Variants in MARCHF1 observed in about 807,000 individuals in gnomAD.
MARCHF1 encodes E3 ubiquitin-protein ligase MARCHF1.
A neutral mutation model predicts 54.2 loss-of-function variants in MARCHF1; 40 were observed. The ratio of observed to expected loss-of-function variants is 0.74; its 90% CI spans 0.57 to 0.96. The LOEUF (loss-of-function observed/expected upper bound fraction) is 0.96, where lower values mean the gene tolerates loss of function less well. MARCHF1 is among the 40% of genes least tolerant of loss of function. The pLI is 0.00. For missense variants in MARCHF1, 586 were observed against 656.5 expected (o/e 0.89, Z 1.17); for synonymous variants, 236 against 236.3 (o/e 1.00, Z 0.01).
chr4:164,028,369 CA>C (rs1560868882), intron 2 of MARCHF1, among the ~76,000 whole-genome samples: 1 of 152,178 alleles, frequency 6.6e-6, no homozygotes, highest in African/African-American at 2.4e-5. Context: ...AGTACATACA[CA>C]CCAAGAAATA....
chr4:164,048,896 G>GA lies in MARCHF1; in HGVS notation c.-247-60188dup, dbSNP rs542463903. Among the ~76,000 whole-genome samples the GA allele has an allele frequency of 4.4e-3, 671 of 151,992 alleles. 3 individuals carry two copies. Among genetic ancestry groups the GA allele is most frequent in the Non-Finnish European group, 7.6e-3 (516 of 67,938 alleles). On this transcript the variant is annotated intron_variant, in intron 2 of 9. Transcript: ENST00000514618. The stretch of plus-strand genomic sequence containing the variant: ...TCTAATCTGCCTTTACCTATAAAGG[G>GA]AAAAAAGCACCAAAAATCAGTTTTA...
intron 5 of MARCHF1, among the ~76,000 whole-genome samples, chr4:163,695,089 C>A (rs555705817): frequency 6.6e-6 from 1 of 152,222 alleles, no homozygotes; most frequent in Admixed American, 6.5e-5. Context: ...ATTGTGTTAG[C>A]AAACCAAAAT....
Position 164,112,472 on chromosome 4 carries a change from T to A in MARCHF1, c.-322-810A>T, listed in dbSNP as rs189387512. On this transcript the variant is annotated intron_variant, in intron 1 of 9. Coordinates refer to ENST00000514618, the MANE Select transcript of MARCHF1 (RefSeq NM_001394959.1). ...AAGAAAGTATCTTAACAAACTAAAG[T>A]AATAGGGGATATTATTGATCATTTT... 1.5e-4 allele frequency among the ~76,000 whole-genome samples: 17 copies of A among 116,588 alleles called. No individual in the cohort carries two copies. The East Asian group carries it at 2.4e-3, about 16-fold the overall frequency. 76.5% of individuals were successfully genotyped at this position (116,588 alleles called of 152,430 possible). A position where few individuals can be genotyped will look rare whatever the true frequency, so the allele number is the denominator to read the frequency against.
At chr4:163,732,595 G>A (rs185003950) in intron 4 of MARCHF1, among the ~76,000 whole-genome samples, 1 of 152,046 alleles carries the variant, frequency 6.6e-6, no homozygotes, top group African/African-American at 2.4e-5. Context: ...TAATAATAAA[G>A]AGAAAATGTT....
intron 3 of MARCHF1, among the ~76,000 whole-genome samples, chr4:163,962,929 C>T (rs537306902): frequency 6.6e-6 from 1 of 151,944 alleles, no homozygotes; most frequent in African/African-American, 2.4e-5. Flanking sequence ...CGTAAGTACT[C>T]TGAACAACAG....
intron 4 of MARCHF1, among the ~76,000 whole-genome samples, chr4:163,765,797 A>T (rs553686398): frequency 1.3e-5 from 2 of 148,722 alleles, no homozygotes; most frequent in South Asian, 4.2e-4. Flanking sequence ...CTAGCTCTTC[A>T]TCTTAAAGTG....
chr4:163,757,778 T>C (rs1036634337), intron 4 of MARCHF1, among the ~76,000 whole-genome samples: 3 of 152,206 alleles, frequency 2.0e-5, no homozygotes, highest in Admixed American at 2.0e-4. Context: ...TTTGACTAAA[T>C]GGCCTTTGAA....
At chr4:164,146,403 C>T (rs1729740484) in intron 1 of MARCHF1, among the ~76,000 whole-genome samples, 1 of 151,954 alleles carries the variant, frequency 6.6e-6, no homozygotes, top group African/African-American at 2.4e-5. Flanking sequence ...GGAGGCATCA[C>T]ACTACCTGAC....
intron 2 of MARCHF1, among the ~76,000 whole-genome samples, chr4:164,072,972 C>T (rs1484320106): frequency 6.6e-6 from 1 of 152,130 alleles, no homozygotes; most frequent in East Asian, 1.9e-4. Context: ...AGGAGAGAGC[C>T]TCACGGCAAC....
At chr4:164,351,345 C>A (rs1167781425) in intron 1 of MARCHF1, among the ~76,000 whole-genome samples, 1 of 151,226 alleles carries the variant, frequency 6.6e-6, no homozygotes, top group Non-Finnish European at 1.5e-5. Flanking sequence ...GTAACCTCTG[C>A]AGACTTAAAT....
intron 1 of MARCHF1, among the ~76,000 whole-genome samples, chr4:164,336,858 A>G (rs1248002811): frequency 6.6e-6 from 1 of 152,210 alleles, no homozygotes; most frequent in Non-Finnish European, 1.5e-5. Context: ...ATTTATACAC[A>G]CTGGCATTTT....
At chr4:164,167,209 GCAAA>G (rs10546364) in intron 1 of MARCHF1, among the ~76,000 whole-genome samples, 28,542 of 151,368 alleles carry the variant, frequency 0.19, 4,289 homozygotes, top group African/African-American at 0.41. Flanking sequence ...CCCTCAAAAA[GCAAA>G]CAGTCTGTTA....
chr4:164,334,597 T>C (rs577285866), intron 1 of MARCHF1, among the ~76,000 whole-genome samples: 1 of 152,146 alleles, frequency 6.6e-6, no homozygotes, highest in East Asian at 1.9e-4. Flanking sequence ...CTGATGGAGA[T>C]GTACAAGGAG....
intron 2 of MARCHF1, among the ~76,000 whole-genome samples, chr4:164,067,706 CA>C (rs1187118875): frequency 6.6e-6 from 1 of 151,212 alleles, no homozygotes; most frequent in African/African-American, 2.4e-5. Flanking sequence ...AAAACAAATG[CA>C]AAAAAAACCA....
At chr4:163,619,783 C>T (rs1297828621) in intron 5 of MARCHF1, among the ~76,000 whole-genome samples, 2 of 151,246 alleles carry the variant, frequency 1.3e-5, no homozygotes, top group African/African-American at 4.9e-5. Flanking sequence ...AAAAAAAGAC[C>T]CATCAAAGTA....
At chr4:163,643,314 T>A (rs921515923) in intron 5 of MARCHF1, among the ~76,000 whole-genome samples, 4 of 87,370 alleles carry the variant, frequency 4.6e-5, no homozygotes, top group Non-Finnish European at 1.3e-4. Context: ...AGTGACAGAG[T>A]GAGACCCTGT....
intron 1 of MARCHF1, among the ~76,000 whole-genome samples, chr4:164,224,223 G>C (rs1472222329): frequency 9.4e-6 from 1 of 106,282 alleles, no homozygotes; most frequent in African/African-American, 3.8e-5. Flanking sequence ...TTATAAAGTA[G>C]ACATTTAAAA....
intron 8 of MARCHF1, among the ~76,000 whole-genome samples, chr4:163,569,657 T>C (rs1314158079): frequency 2.0e-5 from 3 of 152,130 alleles, no homozygotes; most frequent in African/African-American, 7.2e-5. Context: ...CTACGATGAC[T>C]GCTTTTAAGA....
intron 1 of MARCHF1, among the ~76,000 whole-genome samples, chr4:164,382,193 A>G (rs544988594): frequency 1.3e-5 from 2 of 152,214 alleles, no homozygotes; most frequent in Non-Finnish European, 2.9e-5. Flanking sequence ...CACATTGATT[A>G]TTCCAATAAT....
Sources: gnomAD v4.1 joint callset for allele counts (sites outside exome capture counted in the v4.1 genomes callset) on GRCh38, gnomAD v4.1.1 for gene constraint, MANE v1.5 for transcripts, NCBI Gene and HGNC (gene_info 2026-07-23, HGNC 2026-07-21) for gene names.